The following TBXAS1 variants were observed in gnomAD, a reference collection of about 807,000 sequenced individuals.
The protein encoded by TBXAS1 is thromboxane A synthase 1, also known as thromboxane-A synthase.
In TBXAS1, 48 loss-of-function variants were observed where a neutral mutation model predicts 60.7. The ratio of observed to expected loss-of-function variants is 0.79; its 90% CI spans 0.63 to 1.01. The LOEUF (loss-of-function observed/expected upper bound fraction) is 1.01, where lower values mean the gene tolerates loss of function less well. Ranked by LOEUF, TBXAS1 falls within the 50% of genes least tolerant of loss-of-function variation. The pLI, the probability that TBXAS1 is intolerant of heterozygous loss-of-function variation, is 0.00. For synonymous variants in TBXAS1, 287 were observed against 269.7 expected, an observed-to-expected ratio of 1.06 and a Z score of -0.63; for missense variants, 685 against 686.3, an observed-to-expected ratio of 1.00 and a Z score of 0.02.
chr7:139,948,153 C>T (rs1808891019), intron 5 of TBXAS1, among the ~76,000 whole-genome samples: 1 of 152,222 alleles, frequency 6.6e-6, no homozygotes, highest in Non-Finnish European at 1.5e-5. Flanking sequence ...GAGTGAGCCA[C>T]TGTGCCAGGC....
At chr7:139,843,662 T>C (rs1482490808) in intron 1 of TBXAS1, among the ~76,000 whole-genome samples, 2 of 152,224 alleles carry the variant, frequency 1.3e-5, no homozygotes, top group African/African-American at 4.8e-5. Context: ...TTATAGCTTA[T>C]GCATGTGACC....
intron 1 of TBXAS1, among the ~76,000 whole-genome samples, chr7:139,866,698 C>T (rs1056741372): frequency 1.1e-4 from 16 of 151,742 alleles, no homozygotes; most frequent in Non-Finnish European, 1.9e-4. Context: ...GTAGAGGCTA[C>T]GGTGAGCTGA....
chr7:139,933,842 C>G (rs573043748), intron 4 of TBXAS1, among the ~76,000 whole-genome samples: 7,068 of 152,206 alleles, frequency 0.046, 312 homozygotes, highest in African/African-American at 0.11. Flanking sequence ...CCCCCAACCG[C>G]CTGTCTCCCC....
intron 4 of TBXAS1, among the ~76,000 whole-genome samples, chr7:139,927,159 T>C (rs1005538955): frequency 6.9e-6 from 1 of 145,852 alleles, no homozygotes; most frequent in Non-Finnish European, 1.5e-5. Context: ...CACGCCCGGC[T>C]ATTTTTTTTT....
intron 9 of TBXAS1, among the ~76,000 whole-genome samples, chr7:139,994,903 C>T (rs1813184957): frequency 6.6e-6 from 1 of 152,212 alleles, no homozygotes; most frequent in Non-Finnish European, 1.5e-5. Context: ...TTGCGGGCAT[C>T]CCACCTGACG....
chr7:139,790,584 G>C (rs2117245606), intron 4 of TBXAS1, among the ~76,000 whole-genome samples: 2 of 152,296 alleles, frequency 1.3e-5, no homozygotes, highest in Middle Eastern at 6.8e-3. Flanking sequence ...TAAACTCTTA[G>C]AGAAAAGAAA....
At chr7:139,865,725 G>T (rs1584713893) in intron 1 of TBXAS1, among the ~76,000 whole-genome samples, 5 of 139,606 alleles carry the variant, frequency 3.6e-5, no homozygotes, top group Admixed American at 7.1e-5. Flanking sequence ...AGGAGGAGGA[G>T]GAGGAAGAGG....
At chr7:139,989,252 G>A (rs1812722346) in intron 9 of TBXAS1, among the ~76,000 whole-genome samples, 1 of 152,210 alleles carries the variant, frequency 6.6e-6, no homozygotes, top group Non-Finnish European at 1.5e-5. Context: ...GAAGAAGTCA[G>A]CATCAGAGGG....
chr7:139,941,733 A>G (rs988397565), intron 5 of TBXAS1, among the ~76,000 whole-genome samples: 1 of 152,234 alleles, frequency 6.6e-6, no homozygotes, highest in Non-Finnish European at 1.5e-5. Context: ...AGATTTTCAC[A>G]GTCTTTTGCT....
intron 9 of TBXAS1, among the ~76,000 whole-genome samples, chr7:139,984,018 C>T (rs1346859391): frequency 2.0e-5 from 3 of 152,282 alleles, no homozygotes; most frequent in Admixed American, 6.5e-5. Flanking sequence ...ACAATGCCTT[C>T]ATCACTTGTA....
At chr7:139,844,632 C>T (rs1016447692) in intron 1 of TBXAS1, among the ~76,000 whole-genome samples, 4 of 152,192 alleles carry the variant, frequency 2.6e-5, no homozygotes, top group Non-Finnish European at 5.9e-5. Context: ...ATCTCATGTA[C>T]CCTCTTCCTA....
Position 139,920,198 on chromosome 7 carries a change from T to C in TBXAS1, c.333+8877T>C, listed in dbSNP as rs148816867. Among the ~76,000 whole-genome samples the C allele has an allele frequency of 4.4e-3, 666 of 152,340 alleles. 3 individuals are homozygous for C. Among genetic ancestry groups the C allele is most frequent in the Non-Finnish European group, 7.4e-3 (501 of 68,024 alleles). ...TTCCTAAATGCCCAAGGCATGGCTATTTGAAGCAGAGCAAGTAAAGACAAC... is the reference window on the plus strand; with the variant it reads ...TTCCTAAATGCCCAAGGCATGGCTACTTGAAGCAGAGCAAGTAAAGACAAC... On this transcript the variant is annotated intron_variant, in intron 4 of 12. Coordinates refer to ENST00000448866, the MANE Select transcript of TBXAS1 (RefSeq NM_001061.7).
chr7:139,825,145 T>A (rs1012029481), upstream of TBXAS1, among the ~76,000 whole-genome samples: 4 of 147,048 alleles, frequency 2.7e-5, no homozygotes, highest in East Asian at 6.0e-4. Flanking sequence ...GATTTTTTTT[T>A]AATAGACATA....
At chr7:139,799,963 C>T (rs1458308276) in intron 4 of TBXAS1, among the ~76,000 whole-genome samples, 1 of 152,164 alleles carries the variant, frequency 6.6e-6, no homozygotes, top group Non-Finnish European at 1.5e-5. Flanking sequence ...GGAGAGTTTC[C>T]ACTTCTAGGT....
intron 1 of TBXAS1, among the ~76,000 whole-genome samples, chr7:139,857,729 A>AT (rs544006307): frequency 0.13 from 17,595 of 139,640 alleles, 3,115 homozygotes; most frequent in African/African-American, 0.4. Context: ...TTTCTTCTTA[A>AT]TTTTTTTTTT....
chr7:139,885,662 A>C (rs1268679163), intron 3 of TBXAS1, among the ~76,000 whole-genome samples: 2 of 152,232 alleles, frequency 1.3e-5, no homozygotes, highest in African/African-American at 4.8e-5. Flanking sequence ...ATTTAAAAGA[A>C]ATTATTACTA....
upstream of TBXAS1, among the ~76,000 whole-genome samples, chr7:139,824,991 G>A (rs1290733867): frequency 3.3e-5 from 5 of 151,828 alleles, no homozygotes; most frequent in East Asian, 9.7e-4. Context: ...CATCATGCCT[G>A]GCAAATTTTT....
At chr7:139,906,744 A>G (rs1391575110) in intron 3 of TBXAS1, among the ~76,000 whole-genome samples, 1 of 140,902 alleles carries the variant, frequency 7.1e-6, no homozygotes, top group Non-Finnish European at 1.6e-5. Flanking sequence ...GAGTCTTCCA[A>G]TCCATGAACA....
intron 4 of TBXAS1, among the ~76,000 whole-genome samples, chr7:139,934,012 T>TC (rs1807544955): frequency 6.6e-6 from 1 of 151,790 alleles, no homozygotes; most frequent in Admixed American, 6.6e-5. Flanking sequence ...CCCAAATATG[T>TC]CCCCCACCGA....
Sources: gnomAD v4.1 joint callset for allele counts (sites outside exome capture counted in the v4.1 genomes callset) on GRCh38, gnomAD v4.1.1 for gene constraint, MANE v1.5 for transcripts, NCBI Gene and HGNC (gene_info 2026-07-23, HGNC 2026-07-21) for gene names.